The following MAF variants were observed in gnomAD, a reference collection of about 807,000 sequenced individuals.
MAF encodes the protein MAF bZIP transcription factor.
MAF carries 10 observed loss-of-function variants against 22.0 expected under a neutral mutation model. The observed-to-expected ratio is 0.45, with a 90% CI of 0.28 to 0.77. MAF has a LOEUF of 0.77. Ranked by LOEUF, MAF falls within the 30% of genes least tolerant of loss-of-function variation. The pLI, the probability that MAF is intolerant of heterozygous loss-of-function variation, is 0.12. For synonymous variants in MAF, 337 were observed against 255.8 expected, an observed-to-expected ratio of 1.32 and a Z score of -3.03; for missense variants, 544 against 548.4, an observed-to-expected ratio of 0.99 and a Z score of 0.08.
At chr16:79,202,836 A>G in the MAF span, 2 of 152,246 alleles carry the variant, frequency 1.3e-5, no homozygotes, top group Non-Finnish European at 2.9e-5. Flanking sequence ...ACATAGGGGA[A>G]GAGAAAGGCA....
chr16:79,307,450 C>T, the MAF span, among the ~76,000 whole-genome samples: 1 of 152,226 alleles, frequency 6.6e-6, no homozygotes, highest in Non-Finnish European at 1.5e-5. Flanking sequence ...GCATCAGCAG[C>T]TTTCTGCATG....
chr16:79,309,545 A>G, the MAF span, among the ~76,000 whole-genome samples: 3 of 152,178 alleles, frequency 2.0e-5, no homozygotes, highest in Non-Finnish European at 4.4e-5. Flanking sequence ...GAGCACGAAT[A>G]TTTTATCTGG....
At chr16:79,279,050 G>C in the MAF span, among the ~76,000 whole-genome samples, 1 of 152,144 alleles carries the variant, frequency 6.6e-6, no homozygotes, top group Non-Finnish European at 1.5e-5. Context: ...TAAAGATTCT[G>C]AATATATTTT....
the MAF span, among the ~76,000 whole-genome samples, chr16:79,233,140 T>A: frequency 6.6e-6 from 1 of 151,928 alleles, no homozygotes. Flanking sequence ...GCGCCCGGCC[T>A]TGATAGGCCA....
the MAF span, among the ~76,000 whole-genome samples, chr16:79,464,424 C>G: frequency 6.6e-6 from 1 of 152,056 alleles, no homozygotes; most frequent in Non-Finnish European, 1.5e-5. Flanking sequence ...GATGGGCTGT[C>G]CAAAGATTGG....
the MAF span, among the ~76,000 whole-genome samples, chr16:79,359,151 A>G: frequency 6.6e-6 from 1 of 152,194 alleles, no homozygotes; most frequent in Non-Finnish European, 1.5e-5. Context: ...CTCTCCATAC[A>G]TCATTCCATA....
At chr16:79,500,006 A>G in the MAF span, among the ~76,000 whole-genome samples, 2 of 152,224 alleles carry the variant, frequency 1.3e-5, no homozygotes, top group Non-Finnish European at 2.9e-5. Flanking sequence ...TAGAGAGGTT[A>G]TATAAAGACA....
At chr16:79,389,694 A>G in the MAF span, among the ~76,000 whole-genome samples, 2 of 152,070 alleles carry the variant, frequency 1.3e-5, no homozygotes. Flanking sequence ...TCCTTAGATC[A>G]GGCCGGGCAT....
the MAF span, among the ~76,000 whole-genome samples, chr16:79,512,174 A>T: frequency 6.6e-6 from 1 of 152,228 alleles, no homozygotes; most frequent in South Asian, 2.1e-4. Flanking sequence ...CAGATCTTTC[A>T]TCCTCTACCC....
the MAF span, among the ~76,000 whole-genome samples, chr16:79,523,501 T>G: frequency 7.2e-5 from 11 of 152,364 alleles, no homozygotes; most frequent in African/African-American, 2.2e-4. Flanking sequence ...TTCTAAAATA[T>G]TTACTGCTGA....
At chr16:79,553,418 C>A in the MAF span, among the ~76,000 whole-genome samples, 1 of 152,222 alleles carries the variant, frequency 6.6e-6, no homozygotes, top group African/African-American at 2.4e-5. Context: ...GCTCCTGGAA[C>A]CTTATGCCTC....
the MAF span, among the ~76,000 whole-genome samples, chr16:79,314,488 G>C: frequency 2.6e-5 from 4 of 152,184 alleles, no homozygotes; most frequent in Admixed American, 2.6e-4. Flanking sequence ...TATCTCTCAG[G>C]GGTCAGCTTT....
chr16:79,291,642 G>A, the MAF span, among the ~76,000 whole-genome samples: 1 of 151,474 alleles, frequency 6.6e-6, no homozygotes, highest in African/African-American at 2.4e-5. Flanking sequence ...CACAGTAAAA[G>A]TTGTCATACA....
At chr16:79,494,421 A>C in the MAF span, among the ~76,000 whole-genome samples, 6 of 152,032 alleles carry the variant, frequency 3.9e-5, no homozygotes, top group South Asian at 2.1e-4. Context: ...AAAGCTTCCT[A>C]TATCTCAGAA....
chr16:79,444,449 T>C, the MAF span, among the ~76,000 whole-genome samples: 1 of 152,198 alleles, frequency 6.6e-6, no homozygotes, highest in Non-Finnish European at 1.5e-5. Flanking sequence ...ATGAATTATA[T>C]AGCCTTGGGC....
chr16:79,593,201 A>C (rs1190717773), downstream of MAF, among the ~76,000 whole-genome samples: 4 of 152,238 alleles, frequency 2.6e-5, no homozygotes, highest in African/African-American at 7.2e-5. Context: ...AGCCAAGAGT[A>C]TGTGAATACG....
At chr16:79,578,254 T>G in the MAF span, among the ~76,000 whole-genome samples, 2 of 152,130 alleles carry the variant, frequency 1.3e-5, no homozygotes, top group Admixed American at 1.3e-4. Flanking sequence ...ATACATTGAT[T>G]TTTATTTTAT....
the MAF span, among the ~76,000 whole-genome samples, chr16:79,262,266 T>C: frequency 2.0e-3 from 298 of 152,314 alleles, 2 homozygotes; most frequent in Middle Eastern, 0.014. Context: ...GTATCGTCAC[T>C]GGAAGTCGAA....
At chr16:79,388,261 C>T in the MAF span, among the ~76,000 whole-genome samples, 1 of 37,292 alleles carries the variant, frequency 2.7e-5, no homozygotes, top group Non-Finnish European at 4.8e-5. Flanking sequence ...GGATAAATAG[C>T]ATGAGTTTTA....
Sources: allele counts gnomAD v4.1 joint callset (sites outside exome capture counted in the v4.1 genomes callset), GRCh38; gene constraint gnomAD v4.1.1; transcripts MANE v1.5; gene names NCBI Gene and HGNC (gene_info 2026-07-23, HGNC 2026-07-21).